Variants in PTPN9 observed in about 807,000 individuals in gnomAD.
PTPN9 encodes the protein protein tyrosine phosphatase non-receptor type 9, also known as tyrosine-protein phosphatase non-receptor type 9.
Under a neutral mutation model 69.8 loss-of-function variants are expected in PTPN9, and 26 were observed. That is an observed-to-expected ratio of 0.37 (90% confidence interval 0.27 to 0.52). The LOEUF (loss-of-function observed/expected upper bound fraction) is 0.52, where lower values mean the gene tolerates loss of function less well. Among genes scored for constraint, PTPN9 ranks in the 20% least tolerant of loss-of-function variants. The pLI is 0.91. For synonymous variants in PTPN9, 274 were observed against 272.5 expected, an observed-to-expected ratio of 1.01 and a Z score of -0.05; for missense variants, 549 against 740.3, an observed-to-expected ratio of 0.74 and a Z score of 3.00.
intron 7 of PTPN9, among the ~76,000 whole-genome samples, chr15:75,505,030 T>C (rs1034566918): frequency 1.3e-5 from 2 of 151,980 alleles, no homozygotes; most frequent in African/African-American, 4.8e-5. Flanking sequence ...GGGGGAAAGG[T>C]GGGGAAAAGA....
chr15:75,483,846 G>A (rs1036470104), intron 8 of PTPN9, among the ~76,000 whole-genome samples: 1 of 152,136 alleles, frequency 6.6e-6, no homozygotes, highest in Non-Finnish European at 1.5e-5. Context: ...GGAATGCTGA[G>A]GGCAGTCACG....
At chr15:75,514,445 G>A (rs2074859727) in intron 5 of PTPN9, among the ~76,000 whole-genome samples, 1 of 152,110 alleles carries the variant, frequency 6.6e-6, no homozygotes, top group Non-Finnish European at 1.5e-5. Context: ...TGGGTGTGGT[G>A]GCACATGCCT....
At chr15:75,517,043 G>A (rs556743487) in intron 5 of PTPN9, among the ~76,000 whole-genome samples, 9 of 151,946 alleles carry the variant, frequency 5.9e-5, no homozygotes, top group Non-Finnish European at 8.8e-5. Flanking sequence ...GCGCCTGGCC[G>A]TTCCTGTGCA....
At chr15:75,504,655 C>A (rs1206102511) in intron 7 of PTPN9, among the ~76,000 whole-genome samples, 3 of 144,972 alleles carry the variant, frequency 2.1e-5, no homozygotes, top group Non-Finnish European at 4.6e-5. Flanking sequence ...GGTCAGCCCC[C>A]CGCCCGGCCA....
chr15:75,512,316 C>T (rs1287904509), intron 5 of PTPN9, among the ~76,000 whole-genome samples: 1 of 151,826 alleles, frequency 6.6e-6, no homozygotes, highest in East Asian at 1.9e-4. Flanking sequence ...ATCCTCCTGC[C>T]TCAGCCTCCT....
At chr15:75,540,260 T>C (rs2075002323) in intron 1 of PTPN9, among the ~76,000 whole-genome samples, 1 of 152,176 alleles carries the variant, frequency 6.6e-6, no homozygotes, top group Non-Finnish European at 1.5e-5. Context: ...CTGTAAATAC[T>C]TTTTTAAAAA....
At chr15:75,510,226 T>G (rs1163093748) in intron 5 of PTPN9, among the ~76,000 whole-genome samples, 1 of 152,144 alleles carries the variant, frequency 6.6e-6, no homozygotes, top group African/African-American at 2.4e-5. Context: ...TTAGTTTTTT[T>G]GTTTGCTTGG....
intron 1 of PTPN9, among the ~76,000 whole-genome samples, chr15:75,575,441 T>C (rs111256157): frequency 3.9e-4 from 59 of 152,200 alleles, no homozygotes; most frequent in African/African-American, 1.4e-3. Context: ...TACAAGGATT[T>C]TCCTACACTG....
At chr15:75,504,126 TGGG>T (rs1567488477) in intron 7 of PTPN9, among the ~76,000 whole-genome samples, 14 of 79,108 alleles carry the variant, frequency 1.8e-4, no homozygotes, top group Admixed American at 2.7e-4. Flanking sequence ...GGGAGGGAGG[TGGG>T]GAGGTCAGCC....
intron 1 of PTPN9, among the ~76,000 whole-genome samples, chr15:75,558,838 T>G (rs370115518): frequency 3.9e-5 from 6 of 152,188 alleles, no homozygotes; most frequent in Admixed American, 6.5e-5. Context: ...GTGCTCAATG[T>G]TGCCCAGGCT....
At chr15:75,530,691 AAT>A (rs1376029986) in intron 1 of PTPN9, among the ~76,000 whole-genome samples, 2 of 38,242 alleles carry the variant, frequency 5.2e-5, no homozygotes, top group Non-Finnish European at 8.0e-5. Context: ...ATTATATTAT[AAT>A]ATATATAATA....
At chr15:75,553,444 A>G (rs751329067) in intron 1 of PTPN9, among the ~76,000 whole-genome samples, 1 of 152,204 alleles carries the variant, frequency 6.6e-6, no homozygotes, top group Non-Finnish European at 1.5e-5. Context: ...CCGGCAAATT[A>G]GAATCAATCC....
chr15:75,494,155 TAA>T (rs59002435), intron 7 of PTPN9, among the ~76,000 whole-genome samples: 3 of 141,002 alleles, frequency 2.1e-5, no homozygotes, highest in African/African-American at 7.9e-5. Context: ...TATATATATA[TAA>T]AATCTATATA....
chr15:75,563,495 G>A (rs1342642845), intron 1 of PTPN9, among the ~76,000 whole-genome samples: 1 of 152,030 alleles, frequency 6.6e-6, no homozygotes, highest in Non-Finnish European at 1.5e-5. Context: ...GCTGGTATTT[G>A]GTTTTCTGTT....
intron 1 of PTPN9, among the ~76,000 whole-genome samples, chr15:75,550,962 TA>T (rs1418459171): frequency 6.6e-6 from 1 of 152,120 alleles, no homozygotes; most frequent in Admixed American, 6.6e-5. Flanking sequence ...TAAAAGATTT[TA>T]AAGGAAAAGC....
At chr15:75,525,360 A>AT (rs1191542371) in intron 2 of PTPN9, among the ~76,000 whole-genome samples, 1 of 151,102 alleles carries the variant, frequency 6.6e-6, no homozygotes, top group African/African-American at 2.4e-5. Context: ...TGCCTGGCTA[A>AT]TTTTTGTGTT....
intron 8 of PTPN9, among the ~76,000 whole-genome samples, chr15:75,482,180 A>G (rs1290061299): frequency 6.6e-6 from 1 of 151,726 alleles, no homozygotes; most frequent in African/African-American, 2.4e-5. Context: ...GCTCTCTGAA[A>G]CATGTGCTGT....
intron 9 of PTPN9, among the ~76,000 whole-genome samples, 165 bp downstream of exon 9, chr15:75,479,683 C>T (rs1025124493): frequency 1.3e-5 from 2 of 152,108 alleles, no homozygotes; most frequent in African/African-American, 4.8e-5. Flanking sequence ...CCCCAAACTA[C>T]TTATTTGCTT....
At chr15:75,517,163 A>G (rs1197940873) in intron 5 of PTPN9, 96 bp downstream of exon 5, 6 of 831,566 alleles carry the variant, frequency 7.2e-6, no homozygotes, top group Non-Finnish European at 1.1e-5. Context: ...TAATGTCTGA[A>G]GTTTGCATCT....
Sources: allele counts gnomAD v4.1 joint callset (sites outside exome capture counted in the v4.1 genomes callset), GRCh38; gene constraint gnomAD v4.1.1; transcripts MANE v1.5; gene names NCBI Gene and HGNC (gene_info 2026-07-23, HGNC 2026-07-21).